Variants in PCBP3 observed in about 807,000 individuals in gnomAD.
PCBP3 encodes poly(rC)-binding protein 3.
PCBP3 carries 25 observed loss-of-function variants against 52.7 expected under a neutral mutation model. The ratio of observed to expected loss-of-function variants is 0.47; its 90% CI spans 0.35 to 0.66. The LOEUF (loss-of-function observed/expected upper bound fraction) is 0.66, where lower values mean the gene tolerates loss of function less well. PCBP3 is among the 30% of genes least tolerant of loss of function. PCBP3 has a pLI of 0.01. For missense variants in PCBP3, 391 were observed against 490.3 expected (o/e 0.80, Z 1.91); for synonymous variants, 162 against 183.0 (o/e 0.89, Z 0.93).
chr21:45,765,621 C>T (rs545601079), intron 4 of PCBP3, among the ~76,000 whole-genome samples: 6 of 152,266 alleles, frequency 3.9e-5, no homozygotes, highest in Admixed American at 6.5e-5. Context: ...TTTGCCAGCG[C>T]GGCTCTTCCA....
chr21:45,920,611 G>C (rs1227050694), intron 13 of PCBP3, among the ~76,000 whole-genome samples: 1 of 152,236 alleles, frequency 6.6e-6, no homozygotes, highest in Non-Finnish European at 1.5e-5. Context: ...GGGGGTCCCA[G>C]GGCTGGGGAG....
intron 5 of PCBP3, among the ~76,000 whole-genome samples, chr21:45,862,194 G>A (rs1267161220): frequency 7.1e-6 from 1 of 141,346 alleles, no homozygotes; most frequent in African/African-American, 2.6e-5. Context: ...GGCGGGTGGG[G>A]GGACACGTAC....
intron 2 of PCBP3, among the ~76,000 whole-genome samples, chr21:45,702,121 G>A (rs4819142): frequency 0.55 from 83,821 of 151,970 alleles, 23,528 homozygotes; most frequent in East Asian, 0.82. Flanking sequence ...TAGATAGGGC[G>A]TCAAAACTTG....
intron 2 of PCBP3, among the ~76,000 whole-genome samples, chr21:45,719,634 C>A (rs1444154889): frequency 6.6e-6 from 1 of 152,174 alleles, no homozygotes; most frequent in African/African-American, 2.4e-5. Context: ...ACTTCTCCAT[C>A]CTGCCACTCT....
chr21:45,893,764 C>T (rs965467982), intron 5 of PCBP3: 7 of 985,328 alleles, frequency 7.1e-6, no homozygotes, highest in African/African-American at 1.7e-5. Context: ...CTGCCTGTTT[C>T]TGGAACACAG....
chr21:45,711,702 T>A (rs560579827), intron 2 of PCBP3, among the ~76,000 whole-genome samples: 2 of 152,330 alleles, frequency 1.3e-5, no homozygotes, highest in East Asian at 3.9e-4. Flanking sequence ...TTTGTTAAGG[T>A]TGTTTAATAT....
Position 45,941,700 on chromosome 21 carries a change from G to T in PCBP3, c.1110G>T (p.Thr370=), listed in dbSNP as rs374315800. 1 of 1,605,380 alleles carries T rather than the reference G, an allele frequency of 6.2e-7. No individual in the cohort carries two copies. Among genetic ancestry groups the T allele is most frequent in the Non-Finnish European group, 8.5e-7 (1 of 1,175,974 alleles). The change falls in exon 18 of 18, where the codon ACG becomes ACT. Residue 370 remains threonine, a synonymous_variant. Coordinates refer to ENST00000681687, the MANE Select transcript of PCBP3 (RefSeq NM_001384156.1). ...RLTSEVTGMG[T]L is the part of the protein sequence containing the mutation. ...CGTCCGAGGTCACCGGGATGGGCAC[G>T]CTGTAATCCTACCCAGCACCCTTCC...
At chr21:45,846,746 C>T (rs1470226463) in intron 4 of PCBP3, among the ~76,000 whole-genome samples, 1 of 152,188 alleles carries the variant, frequency 6.6e-6, no homozygotes, top group Admixed American at 6.6e-5. Flanking sequence ...TCAAGAAGTG[C>T]CCTTCTTGGT....
At chr21:45,694,872 G>C (rs2082676963) in intron 2 of PCBP3, among the ~76,000 whole-genome samples, 1 of 152,126 alleles carries the variant, frequency 6.6e-6, no homozygotes, top group Admixed American at 6.5e-5. Flanking sequence ...AAAAATATCA[G>C]TTCTTTCCCA....
chr21:45,646,987 C>T (rs1428920659), intron 1 of PCBP3, among the ~76,000 whole-genome samples: 1 of 152,144 alleles, frequency 6.6e-6, no homozygotes, highest in Admixed American at 6.5e-5. Flanking sequence ...CTTTGTAAAT[C>T]ATTTTACATG....
chr21:45,924,070 A>T (rs2074936303), intron 13 of PCBP3, among the ~76,000 whole-genome samples: 1 of 130,038 alleles, frequency 7.7e-6, no homozygotes, highest in African/African-American at 3.2e-5. Context: ...AGCACACGTA[A>T]GATCGGGTGT....
intron 2 of PCBP3, among the ~76,000 whole-genome samples, chr21:45,710,634 AC>A (rs2083773502): frequency 6.6e-6 from 1 of 152,202 alleles, no homozygotes; most frequent in African/African-American, 2.4e-5. Flanking sequence ...AAGACTTGGA[AC>A]CAACCCAAAT....
chr21:45,720,092 C>T (rs895979915), intron 2 of PCBP3, among the ~76,000 whole-genome samples: 7 of 152,138 alleles, frequency 4.6e-5, no homozygotes, highest in Admixed American at 1.3e-4. Context: ...ATATTATACT[C>T]GAGTTCTGGG....
intron 2 of PCBP3, among the ~76,000 whole-genome samples, chr21:45,723,200 G>A (rs1475867466): frequency 1.3e-5 from 2 of 152,170 alleles, no homozygotes; most frequent in African/African-American, 2.4e-5. Context: ...GGACACATAG[G>A]CATCCTAGAG....
chr21:45,661,563 A>G (rs1209161721), intron 1 of PCBP3, among the ~76,000 whole-genome samples: 5 of 152,132 alleles, frequency 3.3e-5, no homozygotes, highest in African/African-American at 1.2e-4. Flanking sequence ...CTGTTGATGG[A>G]TACTTAGGTT....
chr21:45,868,728 C>T (rs968715508), intron 5 of PCBP3, among the ~76,000 whole-genome samples: 1 of 152,230 alleles, frequency 6.6e-6, no homozygotes, highest in African/African-American at 2.4e-5. Context: ...CCGGAAACTG[C>T]AGCCCACAGC....
At chr21:45,774,778 G>GT (rs2090135206) in intron 4 of PCBP3, among the ~76,000 whole-genome samples, 1 of 152,094 alleles carries the variant, frequency 6.6e-6, no homozygotes, top group Non-Finnish European at 1.5e-5. Flanking sequence ...TGGCCATATG[G>GT]TTTTTATCAC....
At chr21:45,820,672 A>G (rs747021413) in intron 4 of PCBP3, among the ~76,000 whole-genome samples, 6 of 152,144 alleles carry the variant, frequency 3.9e-5, no homozygotes, top group Non-Finnish European at 8.8e-5. Context: ...CAAGCCCCAG[A>G]GGCACCTTGG....
intron 5 of PCBP3, among the ~76,000 whole-genome samples, chr21:45,884,862 C>T (rs1405582433): frequency 1.3e-5 from 2 of 152,160 alleles, no homozygotes; most frequent in Admixed American, 6.5e-5. Flanking sequence ...TTTTTACTGT[C>T]CCTCATTTAT....
Sources: gnomAD v4.1 joint callset for allele counts (sites outside exome capture counted in the v4.1 genomes callset) on GRCh38, gnomAD v4.1.1 for gene constraint, MANE v1.5 for transcripts, NCBI Gene and HGNC (gene_info 2026-07-23, HGNC 2026-07-21) for gene names.